The following SNX8 variants were observed in gnomAD, a reference collection of about 807,000 sequenced individuals.
The protein encoded by SNX8 is sorting nexin 8, also known as sorting nexin-8.
A neutral mutation model predicts 51.6 loss-of-function variants in SNX8; 25 were observed. That is an observed-to-expected ratio of 0.48 (90% CI 0.35 to 0.68). SNX8 has a LOEUF of 0.68. Ranked by LOEUF, SNX8 falls within the 30% of genes least tolerant of loss-of-function variation. The probability of loss-of-function intolerance (pLI) is 0.00; values close to 1 mark genes in which losing one functional copy is unlikely to be tolerated. For synonymous variants in SNX8, 324 were observed against 277.0 expected (o/e 1.17, Z -1.68); for missense variants, 695 against 624.0 (o/e 1.11, Z -1.21).
At chr7:2,340,984 G>C (rs1180875548) in intron 1 of SNX8, among the ~76,000 whole-genome samples, 1 of 149,552 alleles carries the variant, frequency 6.7e-6, no homozygotes, top group Non-Finnish European at 1.5e-5. Flanking sequence ...AGGAATTTAA[G>C]ACCAGCCTGG....
In SNX8 at chr7:2,268,298, T is replaced by G. The variant is rs1483922469; in HGVS notation, c.621+1261A>C. 1.3e-4 allele frequency among the ~76,000 whole-genome samples: 19 copies of G among 140,994 alleles called. 1 individual carries two copies. Among genetic ancestry groups the G allele is most frequent in the African/African-American group, 5.2e-4 (19 of 36,804 alleles). The allele number at this position is 140,994 out of a possible 152,430, so 92.5% of individuals were successfully genotyped here. On this transcript the variant is annotated intron_variant, in intron 5 of 10. Transcript: ENST00000222990. ...CCGTCTGAGAAGTGAGGAGACCCTC[T>G]GCCTGGCAACCACCCCGTCTGAGAA...
intron 1 of SNX8, among the ~76,000 whole-genome samples, chr7:2,306,071 T>A (rs1351872707): frequency 6.6e-6 from 1 of 152,144 alleles, no homozygotes. Context: ...CTTATCAGGC[T>A]CTGTAGGGTC....
chr7:2,311,228 C>G (rs1471868942), intron 1 of SNX8, among the ~76,000 whole-genome samples: 2 of 152,170 alleles, frequency 1.3e-5, no homozygotes, highest in Non-Finnish European at 2.9e-5. Flanking sequence ...CCAGTGGGCT[C>G]TGGCTGTGTG....
rs1411211887 is a variant in SNX8 at position 2,252,011 on chromosome 7, T to C, written c.*3045A>G. ...AAACCTGTCTCCCCTGCCTGCACTG[T>C]GTCCGGCAGACAAAGGGCAGCTGTC... On this transcript the variant is annotated 3_prime_UTR_variant, in exon 11 of 11. Coordinates refer to ENST00000222990, the MANE Select transcript of SNX8 (RefSeq NM_013321.4). 2.6e-5 allele frequency: 4 copies of C among 152,198 alleles called. No individual in the cohort carries two copies. Among genetic ancestry groups the C allele is most frequent in the African/African-American group, 4.8e-5 (2 of 41,442 alleles). 9.4% of individuals were successfully genotyped at this position (152,198 alleles called of 1,614,324 possible).
intron 5 of SNX8, among the ~76,000 whole-genome samples, chr7:2,268,017 G>T (rs1335821661): frequency 6.9e-6 from 1 of 145,444 alleles, no homozygotes; most frequent in African/African-American, 2.6e-5. Flanking sequence ...CCGTCTGGGA[G>T]GTGAGGAGCG....
Position 2,314,379 on chromosome 7 carries a change from C to G in SNX8, c.43G>C (p.Gly15Arg), listed in dbSNP as rs920439044. Residue 15 changes from glycine to arginine, a missense_variant, in exon 1 of 11, where the codon GGG becomes CGG. Coordinates refer to ENST00000222990, the MANE Select transcript of SNX8 (RefSeq NM_013321.4). Reference protein sequence around the residue: ...AMDPLPAAAVGAAAEAEADEE... With the variant: ...AMDPLPAAAVRAAAEAEADEE... ...TCAGCCTCCGCCTCAGCTGCCGCCCCGACTGCAGCCGCGGGCAGCGGGTCC... is the reference window on the plus strand; with the variant it reads ...TCAGCCTCCGCCTCAGCTGCCGCCCGGACTGCAGCCGCGGGCAGCGGGTCC... The G allele has an allele frequency of 3.3e-6, 4 of 1,222,434 alleles. No individual in the cohort carries two copies. The highest frequency in any genetic ancestry group is 1.6e-5 in the African/African-American group (1 of 64,020). 75.7% of individuals were successfully genotyped at this position (1,222,434 alleles called of 1,614,324 possible). A position where few individuals can be genotyped will look rare whatever the true frequency, so the allele number is the denominator to read the frequency against.
chr7:2,341,857 G>A (rs527724305), intron 1 of SNX8, among the ~76,000 whole-genome samples: 1 of 151,264 alleles, frequency 6.6e-6, no homozygotes, highest in South Asian at 2.1e-4. Context: ...TGTGTAATCT[G>A]AGCTACTCGG....
At chr7:2,346,483 C>T (rs1398740245) in intron 1 of SNX8, among the ~76,000 whole-genome samples, 1 of 150,954 alleles carries the variant, frequency 6.6e-6, no homozygotes, top group Admixed American at 6.6e-5. Context: ...CACGGTGGCT[C>T]ACACCTGTAA....
chr7:2,301,930 C>A (rs1051582507), intron 1 of SNX8, among the ~76,000 whole-genome samples: 45 of 152,160 alleles, frequency 3.0e-4, no homozygotes, highest in Non-Finnish European at 1.2e-4. Context: ...ATGCAGAGCA[C>A]ATTGTCCAGG....
At chr7:2,314,145 C>T (rs1010861230) in intron 1 of SNX8, among the ~76,000 whole-genome samples, 183 bp downstream of exon 1, 4 of 151,638 alleles carry the variant, frequency 2.6e-5, no homozygotes, top group Non-Finnish European at 4.4e-5. Context: ...CACGGGGACC[C>T]CCAAAGGACA....
intron 1 of SNX8, among the ~76,000 whole-genome samples, chr7:2,327,931 T>C (rs571059682): frequency 2.0e-5 from 3 of 151,954 alleles, no homozygotes; most frequent in Admixed American, 2.0e-4. Flanking sequence ...GGCACGATCA[T>C]GGCTCACTGC....
intron 1 of SNX8, among the ~76,000 whole-genome samples, chr7:2,308,849 C>T (rs1227291342): frequency 4.1e-5 from 6 of 147,140 alleles, no homozygotes; most frequent in African/African-American, 7.6e-5. Flanking sequence ...GGCACCATCT[C>T]GGCTCACTAC....
chr7:2,325,745 T>C (rs1459861881), intron 1 of SNX8, among the ~76,000 whole-genome samples: 1 of 152,042 alleles, frequency 6.6e-6, no homozygotes, highest in East Asian at 1.9e-4. Flanking sequence ...GGCATGAGAA[T>C]TGCTTGAACT....
chr7:2,256,338 GC>G (rs1288897394), intron 10 of SNX8, among the ~76,000 whole-genome samples: 1 of 152,226 alleles, frequency 6.6e-6, no homozygotes, highest in African/African-American at 2.4e-5. Flanking sequence ...GCTACTTGCA[GC>G]TACTTAATAA....
upstream of SNX8, among the ~76,000 whole-genome samples, chr7:2,316,047 GCATT>G (rs1796750292): frequency 7.4e-6 from 1 of 134,288 alleles, no homozygotes; most frequent in African/African-American, 2.9e-5. Context: ...ACTGCATCCT[GCATT>G]CATTCATCTA....
intron 1 of SNX8, among the ~76,000 whole-genome samples, chr7:2,330,879 T>C (rs374574279): frequency 9.9e-5 from 15 of 152,174 alleles, no homozygotes; most frequent in African/African-American, 3.6e-4. Flanking sequence ...ATAACCAATA[T>C]AATATACACA....
chr7:2,345,103 T>C (rs564308799), intron 1 of SNX8, among the ~76,000 whole-genome samples: 3 of 152,188 alleles, frequency 2.0e-5, no homozygotes, highest in Non-Finnish European at 2.9e-5. Flanking sequence ...ATCCTACTTT[T>C]AGTCATATTC....
upstream of SNX8, among the ~76,000 whole-genome samples, chr7:2,316,709 C>CCACT (rs201611830): frequency 5.2e-3 from 762 of 146,610 alleles, 1 homozygote; most frequent in Non-Finnish European, 8.8e-3. Flanking sequence ...ATTCATGCAA[C>CCACT]CACTCACTCA....
chr7:2,354,317 T>C (rs1279162875), upstream of SNX8: 2 of 152,252 alleles, frequency 1.3e-5, no homozygotes, highest in Admixed American at 6.5e-5. Flanking sequence ...GTCTGTCCTT[T>C]TGCTCAGTCA....
Sources: gnomAD v4.1 joint callset for allele counts (sites outside exome capture counted in the v4.1 genomes callset) on GRCh38, gnomAD v4.1.1 for gene constraint, MANE v1.5 for transcripts, NCBI Gene and HGNC (gene_info 2026-07-23, HGNC 2026-07-21) for gene names.